Variants in AGAP1 observed in about 807,000 individuals in gnomAD.
AGAP1 encodes the protein ArfGAP with GTPase domain, ankyrin repeat and PH domain 1.
AGAP1 carries 29 observed loss-of-function variants against 105.3 expected under a neutral mutation model. The ratio of observed to expected loss-of-function variants is 0.28; its 90% CI spans 0.21 to 0.38. The LOEUF (loss-of-function observed/expected upper bound fraction) is 0.38, where lower values mean the gene tolerates loss of function less well. AGAP1 is among the 10% of genes least tolerant of loss of function. The pLI is 1.00. For synonymous variants in AGAP1, 509 were observed against 485.9 expected (o/e 1.05, Z -0.63); for missense variants, 998 against 1,165.1 (o/e 0.86, Z 2.09).
intron 10 of AGAP1, among the ~76,000 whole-genome samples, chr2:235,897,066 G>C (rs1358684172): frequency 6.6e-6 from 1 of 152,082 alleles, no homozygotes; most frequent in Non-Finnish European, 1.5e-5. Context: ...TTTTTTGTTT[G>C]TTTTTTGTTT....
intron 1 of AGAP1, among the ~76,000 whole-genome samples, chr2:235,617,927 G>A (rs1946360517): frequency 6.6e-6 from 1 of 152,076 alleles, no homozygotes; most frequent in African/African-American, 2.4e-5. Flanking sequence ...GCAGTTGGGG[G>A]ACCTGAGTCT....
At chr2:235,626,072 A>C (rs1474737946) in intron 1 of AGAP1, among the ~76,000 whole-genome samples, 1 of 151,962 alleles carries the variant, frequency 6.6e-6, no homozygotes, top group African/African-American at 2.4e-5. Flanking sequence ...AATATAGGCC[A>C]GTGCGGTGGC....
At position 235,633,973 on chromosome 2, in the gene AGAP1, C is replaced by T. The variant is rs1487850815; in HGVS notation, c.164-75206C>T. Among the ~76,000 whole-genome samples, 5 of 152,034 alleles carry T rather than the reference C, an allele frequency of 3.3e-5. No individual in the cohort carries two copies. Among genetic ancestry groups the T allele is most frequent in the Non-Finnish European group, 7.4e-5 (5 of 68,016 alleles). Reference sequence around the variant, plus strand: ...CCTTTACTTTGGGGTATCAGTTTTCCGAGCCCCAGCAAGCCCCTCCCTGCA... The same window carrying T: ...CCTTTACTTTGGGGTATCAGTTTTCTGAGCCCCAGCAAGCCCCTCCCTGCA... On this transcript the variant is annotated intron_variant, in intron 1 of 17. Coordinates refer to ENST00000304032, the MANE Select transcript of AGAP1 (RefSeq NM_001037131.3). The surrounding 1 kb of genome is among the most constrained non-coding windows in gnomAD (Gnocchi z 4.8).
At chr2:235,794,904 C>T (rs1375523086) in intron 6 of AGAP1, among the ~76,000 whole-genome samples, 1 of 152,182 alleles carries the variant, frequency 6.6e-6, no homozygotes, top group African/African-American at 2.4e-5. Context: ...TTATATGAAA[C>T]AACACATTTA....
rs1485165079 is a variant in AGAP1 at position 235,866,056 on chromosome 2, T to C, written c.1051-17289T>C. Among the ~76,000 whole-genome samples, 1 of 152,254 alleles carries C rather than the reference T, an allele frequency of 6.6e-6. No individual in the cohort carries two copies. Among genetic ancestry groups the C allele is most frequent in the Non-Finnish European group, 1.5e-5 (1 of 68,052 alleles). ...GGTCATTTTTGCCACACTTGATTTT[T>C]TTCTGCTAAACCCTACGTCTTGCAG... On this transcript the variant is annotated intron_variant, in intron 9 of 17. Transcript: ENST00000304032. This position sits in a 1 kb window ranked among gnomAD's most constrained non-coding sequence, Gnocchi z 6.1.
chr2:235,811,240 C>A (rs1958123034), intron 9 of AGAP1, among the ~76,000 whole-genome samples: 3 of 152,200 alleles, frequency 2.0e-5, no homozygotes, highest in Admixed American at 2.0e-4. Flanking sequence ...TTCGCAGAGC[C>A]CCGGCCAGAG....
In AGAP1 at chr2:235,612,343, C is replaced by T. The variant is rs1946155217; in HGVS notation, c.164-96836C>T. On this transcript the variant is annotated intron_variant, in intron 1 of 17. Transcript: ENST00000304032. The surrounding 1 kb of genome is among the most constrained non-coding windows in gnomAD (Gnocchi z 4.3). ...CTGGTTAAAGTGGGGCTCAGATGCC[C>T]CTTGGTTGCATTTAATGTGTGTGCA... Among the ~76,000 whole-genome samples the T allele has an allele frequency of 1.3e-5, 2 of 152,076 alleles. No individual in the cohort carries two copies. Among genetic ancestry groups the T allele is most frequent in the Admixed American group, 6.6e-5 (1 of 15,264 alleles).
chr2:235,945,806 G>A (rs9808302), intron 12 of AGAP1, among the ~76,000 whole-genome samples: 73,948 of 147,014 alleles, frequency 0.5, 18,450 homozygotes, highest in South Asian at 0.64. Flanking sequence ...TGATGCTGGC[G>A]TCTGCTTGGC....
chr2:235,700,885 ATATG>A lies in AGAP1; in HGVS notation c.164-8290_164-8287del. Among the ~76,000 whole-genome samples the A allele has an allele frequency of 6.8e-6, 1 of 147,960 alleles. No individual in the cohort carries two copies. The highest frequency in any genetic ancestry group is 2.5e-5 in the African/African-American group (1 of 40,712). On this transcript the variant is annotated intron_variant, in intron 1 of 17. Transcript: ENST00000304032. The surrounding 1 kb of genome is among the most constrained non-coding windows in gnomAD (Gnocchi z 6.1). ...ACTCTACATAGTATATATTTATAAT[ATATG>A]TATATAATGTATAATATATGCATAT...
Position 236,090,895 on chromosome 2 carries a change from A to G in AGAP1, c.2115-29297A>G, listed in dbSNP as rs1396030764. Among the ~76,000 whole-genome samples the G allele has an allele frequency of 6.6e-6, 1 of 152,144 alleles. No homozygotes were observed. The highest frequency in any genetic ancestry group is 1.5e-5 in the Non-Finnish European group (1 of 68,020). On this transcript the variant is annotated intron_variant, in intron 16 of 17. Transcript: ENST00000304032. This position sits in a 1 kb window ranked among gnomAD's most constrained non-coding sequence, Gnocchi z 4.3. Reference sequence around the variant, plus strand: ...GCTGGGATTACAGGCATGCGCCACCATACCCGGCTAATTTTGCATTTTTAG... The same window carrying G: ...GCTGGGATTACAGGCATGCGCCACCGTACCCGGCTAATTTTGCATTTTTAG...
At chr2:235,764,467 C>T (rs929997764) in intron 6 of AGAP1, among the ~76,000 whole-genome samples, 20 of 152,132 alleles carry the variant, frequency 1.3e-4, no homozygotes, top group Non-Finnish European at 2.4e-4. Context: ...TAAAGCACAT[C>T]CCCCCCACTT....
At position 235,893,150 on chromosome 2, in the gene AGAP1, C is replaced by T. The variant is rs750551800; in HGVS notation, c.1155+9701C>T. Among the ~76,000 whole-genome samples the T allele has an allele frequency of 6.7e-6, 1 of 149,886 alleles. No individual in the cohort carries two copies. The highest frequency in any genetic ancestry group is 6.6e-5 in the Admixed American group (1 of 15,060). ...GCCATGTCTGTGGCGTAGTGTGCAC[C>T]GTGTCCATCATAAGGGAGCGCTGTG... On this transcript the variant is annotated intron_variant, in intron 10 of 17. Coordinates refer to ENST00000304032, the MANE Select transcript of AGAP1 (RefSeq NM_001037131.3). The surrounding 1 kb of genome is among the most constrained non-coding windows in gnomAD (Gnocchi z 4.7).
chr2:235,869,713 G>A (rs2049348473), intron 9 of AGAP1, among the ~76,000 whole-genome samples: 1 of 152,206 alleles, frequency 6.6e-6, no homozygotes, highest in Admixed American at 6.5e-5. Context: ...TACTTTCTTA[G>A]GGCTACAGCG....
chr2:235,805,675 C>T (rs1044034055), intron 8 of AGAP1, among the ~76,000 whole-genome samples: 6 of 152,136 alleles, frequency 3.9e-5, no homozygotes, highest in Non-Finnish European at 7.3e-5. Flanking sequence ...TTGTGTAGCT[C>T]TTACTATACA....
At chr2:235,746,457 G>A (rs144769960) in intron 5 of AGAP1, among the ~76,000 whole-genome samples, 71 of 125,052 alleles carry the variant, frequency 5.7e-4, no homozygotes, top group African/African-American at 2.1e-3. Flanking sequence ...CAGAGCCAGA[G>A]CTCTGTTTAA....
Position 236,087,864 on chromosome 2 carries a change from G to A in AGAP1, c.2115-32328G>A, listed in dbSNP as rs562981434. Among the ~76,000 whole-genome samples, 11 of 152,198 alleles carry A rather than the reference G, an allele frequency of 7.2e-5. No individual in the cohort carries two copies. The highest frequency in any genetic ancestry group is 1.4e-4 in the African/African-American group (6 of 41,454). ...CCAGAGGTCTTTGCCAGGAGGAGAC[G>A]TTACAGCAGGTCCTCTCTGGTTGGG... On this transcript the variant is annotated intron_variant, in intron 16 of 17. Transcript: ENST00000304032. This position sits in a 1 kb window ranked among gnomAD's most constrained non-coding sequence, Gnocchi z 5.7.
intron 6 of AGAP1, among the ~76,000 whole-genome samples, chr2:235,784,816 A>G (rs1280819653): frequency 6.6e-6 from 1 of 152,178 alleles, no homozygotes; most frequent in Non-Finnish European, 1.5e-5. Context: ...AAACTTCCCC[A>G]GAGGAACTTC....
intron 13 of AGAP1, among the ~76,000 whole-genome samples, chr2:236,017,515 G>A (rs1053583318): frequency 6.6e-6 from 1 of 152,072 alleles, no homozygotes; most frequent in Non-Finnish European, 1.5e-5. Flanking sequence ...ATCTTTTAAA[G>A]TGGTCCACTT....
rs1213293154 is a variant in AGAP1 at position 236,131,679 on chromosome 2, G to A, written c.*7557G>A. The A allele has an allele frequency of 6.6e-6, 1 of 151,822 alleles. No homozygotes were observed. The highest frequency in any genetic ancestry group is 1.5e-5 in the Non-Finnish European group (1 of 67,962). The allele number at this position is 151,822 out of a possible 1,614,324, so 9.4% of individuals were successfully genotyped here. On this transcript the variant is annotated 3_prime_UTR_variant, in exon 18 of 18. Coordinates refer to ENST00000304032, the MANE Select transcript of AGAP1 (RefSeq NM_001037131.3). The surrounding 1 kb of genome is among the most constrained non-coding windows in gnomAD (Gnocchi z 5.9). The stretch of plus-strand genomic sequence containing the variant: ...TATTTTCCTGCCTTGGGATTTTTTT[G>A]TGTCCGCTGTACAGTATTCTAAGGG...
Sources: gnomAD v4.1 joint callset for allele counts (sites outside exome capture counted in the v4.1 genomes callset) on GRCh38, gnomAD v4.1.1 for gene constraint, Gnocchi (gnomAD v3.1) non-coding constraint, MANE v1.5 for transcripts, NCBI Gene and HGNC (gene_info 2026-07-23, HGNC 2026-07-21) for gene names.